SRGAP1: variants seen among roughly 807,000 people sequenced by gnomAD.
The protein encoded by SRGAP1 is SLIT-ROBO Rho GTPase-activating protein 1.
Under a neutral mutation model 121.9 loss-of-function variants are expected in SRGAP1, and 43 were observed. The ratio of observed to expected loss-of-function variants is 0.35; its 90% CI spans 0.28 to 0.46. SRGAP1 has a LOEUF of 0.46. Ranked by LOEUF, SRGAP1 falls within the 20% of genes least tolerant of loss-of-function variation. The pLI is 1.00. For missense variants in SRGAP1, 1,102 were observed against 1,350.9 expected (o/e 0.82, Z 2.89); for synonymous variants, 447 against 485.4 (o/e 0.92, Z 1.04).
intron 3 of SRGAP1, among the ~76,000 whole-genome samples, chr12:63,996,889 A>G (rs2033727396): frequency 6.6e-6 from 1 of 152,188 alleles, no homozygotes; most frequent in African/African-American, 2.4e-5. Context: ...CATTTTTTGC[A>G]ATGATGTAAT....
At chr12:64,105,776 T>A (rs2036335520) in intron 15 of SRGAP1, among the ~76,000 whole-genome samples, 2 of 151,678 alleles carry the variant, frequency 1.3e-5, no homozygotes, top group Admixed American at 1.3e-4. Context: ...AGAGTAAGAC[T>A]CTGTCTCAAA....
intron 4 of SRGAP1, among the ~76,000 whole-genome samples, chr12:64,033,897 G>A (rs2034840101): frequency 6.6e-6 from 1 of 152,044 alleles, no homozygotes; most frequent in Admixed American, 6.6e-5. Flanking sequence ...GCAGGCGCCT[G>A]TAATCCCAGC....
chr12:64,089,553 A>G (rs1463035520), intron 11 of SRGAP1, among the ~76,000 whole-genome samples: 1 of 152,230 alleles, frequency 6.6e-6, no homozygotes, highest in Non-Finnish European at 1.5e-5. Context: ...AGTGGATGAA[A>G]TCAAGTATGT....
chr12:63,913,516 T>TACAC (rs1171595120), intron 1 of SRGAP1, among the ~76,000 whole-genome samples: 4 of 146,562 alleles, frequency 2.7e-5, no homozygotes, highest in African/African-American at 9.9e-5. Context: ...TGTATATATA[T>TACAC]ATACATATAT....
chr12:63,977,732 G>T (rs112084572), intron 1 of SRGAP1, among the ~76,000 whole-genome samples: 4 of 151,796 alleles, frequency 2.6e-5, no homozygotes, highest in African/African-American at 9.7e-5. Flanking sequence ...TTTGTGCATT[G>T]TTCTTGTTGG....
chr12:64,133,108 T>C (rs905691545), intron 21 of SRGAP1, among the ~76,000 whole-genome samples: 7 of 152,126 alleles, frequency 4.6e-5, no homozygotes, highest in Non-Finnish European at 7.4e-5. Context: ...AATGGGAGAG[T>C]TGAATGAGGA....
chr12:63,937,086 G>T (rs1428001513), intron 1 of SRGAP1, among the ~76,000 whole-genome samples: 1 of 151,936 alleles, frequency 6.6e-6, no homozygotes, highest in Non-Finnish European at 1.5e-5. Context: ...GGGAAGAAAA[G>T]AAAAGCAGCA....
intron 1 of SRGAP1, among the ~76,000 whole-genome samples, chr12:63,901,167 A>G (rs1326137270): frequency 5.9e-5 from 9 of 152,214 alleles, no homozygotes; most frequent in African/African-American, 2.2e-4. Context: ...CTTGCCCTGG[A>G]GAAACCTCAT....
chr12:64,054,462 G>T (rs1181307412), intron 6 of SRGAP1, among the ~76,000 whole-genome samples: 1 of 152,100 alleles, frequency 6.6e-6, no homozygotes, highest in Non-Finnish European at 1.5e-5. Context: ...TCAGAGTTCA[G>T]AGTTTTCTTA....
At chr12:64,137,961 A>AAAAAAATATAT (rs372355390) in intron 21 of SRGAP1, among the ~76,000 whole-genome samples, 20 of 139,682 alleles carry the variant, frequency 1.4e-4, no homozygotes, top group African/African-American at 4.6e-4. Flanking sequence ...TTAAAAAAAA[A>AAAAAAATATAT]ATATATATAT....
rs148938291 is a variant in SRGAP1 at position 64,114,942 on chromosome 12, T to G, written c.2145-872T>G. Among the ~76,000 whole-genome samples the G allele has an allele frequency of 2.5e-3, 374 of 152,350 alleles. 1 individual carries two copies. Among genetic ancestry groups the G allele is most frequent in the African/African-American group, 8.8e-3 (364 of 41,588 alleles). On this transcript the variant is annotated intron_variant, in intron 17 of 21. Coordinates refer to ENST00000355086, the MANE Select transcript of SRGAP1 (RefSeq NM_020762.4). The stretch of plus-strand genomic sequence containing the variant: ...CAGAAATGTAAATGGGCTTTTACAG[T>G]AATAGTAGGTTTATATTTGTGGCCC...
chr12:64,091,987 C>G (rs1243941837), intron 12 of SRGAP1: 5 of 1,361,824 alleles, frequency 3.7e-6, no homozygotes, highest in East Asian at 5.0e-5. Flanking sequence ...TCAAGTCGTG[C>G]TCATGCTTGG....
intron 1 of SRGAP1, among the ~76,000 whole-genome samples, chr12:63,861,756 A>C (rs1899460493): frequency 6.6e-6 from 1 of 152,040 alleles, no homozygotes; most frequent in South Asian, 2.1e-4. Context: ...GGAGGCTGAG[A>C]TGGGTCAATT....
intron 1 of SRGAP1, among the ~76,000 whole-genome samples, chr12:63,906,416 A>G (rs888913561): frequency 2.6e-5 from 4 of 151,510 alleles, no homozygotes; most frequent in Non-Finnish European, 5.9e-5. Context: ...CTGGGTCCAC[A>G]CCATTCTCCT....
intron 21 of SRGAP1, among the ~76,000 whole-genome samples, chr12:64,138,445 A>ATTTTT (rs2036895160): frequency 8.7e-6 from 1 of 114,672 alleles, no homozygotes; most frequent in African/African-American, 3.5e-5. Flanking sequence ...AAATAAATTG[A>ATTTTT]CTTTTTTTTT....
chr12:64,059,538 A>G, intron 6 of SRGAP1, among the ~76,000 whole-genome samples: 1 of 152,130 alleles, frequency 6.6e-6, no homozygotes, highest in East Asian at 1.9e-4. Flanking sequence ...CATCTGCTGC[A>G]TTATAATCCA....
At chr12:64,063,260 C>A (rs1045216574) in intron 7 of SRGAP1, 122 bp downstream of exon 7, 8 of 887,720 alleles carry the variant, frequency 9.0e-6, no homozygotes, top group Non-Finnish European at 1.4e-5. Context: ...CTTGCAGAGG[C>A]TCTTAATATA....
At chr12:64,051,274 T>C (rs1296658608) in intron 6 of SRGAP1, among the ~76,000 whole-genome samples, 1 of 152,218 alleles carries the variant, frequency 6.6e-6, no homozygotes, top group Non-Finnish European at 1.5e-5. Flanking sequence ...CCAACGGTGA[T>C]GCTAAAATTG....
intron 1 of SRGAP1, among the ~76,000 whole-genome samples, chr12:63,880,609 G>T (rs547081617): frequency 1.3e-5 from 2 of 152,162 alleles, no homozygotes; most frequent in South Asian, 4.2e-4. Context: ...TAATACAGGG[G>T]TTCTCAGTGA....
Sources: allele counts gnomAD v4.1 joint callset (sites outside exome capture counted in the v4.1 genomes callset), GRCh38; gene constraint gnomAD v4.1.1; transcripts MANE v1.5; gene names NCBI Gene and HGNC (gene_info 2026-07-23, HGNC 2026-07-21).